Variants in REPS1 observed in about 807,000 individuals in gnomAD.
REPS1 encodes the protein ralBP1-associated Eps domain-containing protein 1.
REPS1 carries 39 observed loss-of-function variants against 100.9 expected under a neutral mutation model. The observed-to-expected ratio is 0.39, with a 90% CI of 0.30 to 0.50. The LOEUF (loss-of-function observed/expected upper bound fraction) is 0.50. Ranked by LOEUF, REPS1 falls within the 20% of genes least tolerant of loss-of-function variation. REPS1 has a pLI of 0.86. For missense variants in REPS1, 821 were observed against 968.5 expected, an observed-to-expected ratio of 0.85 and a Z score of 2.02; for synonymous variants, 324 against 340.3, an observed-to-expected ratio of 0.95 and a Z score of 0.53.
Position 138,926,479 on chromosome 6 carries a change from C to A in REPS1, c.1260G>T (p.Gln420His). Reference sequence around the variant, plus strand: ...AAGAGCGTTCACTAAATGTCTCCCACTGCTGAACAGACAGAGGAGAGACAA... The same window carrying A: ...AAGAGCGTTCACTAAATGTCTCCCAATGCTGAACAGACAGAGGAGAGACAA... ...TWPELNQSSE[Q>H]WETFSERSSS... The change falls in exon 10 of 20, where the codon CAG becomes CAT. Residue 420 changes from glutamine to histidine, a missense_variant and splice_region_variant. By Grantham distance (24) the Gln-to-His change is conservative. Transcript: ENST00000450536. The A allele has an allele frequency of 6.2e-7, 1 of 1,606,490 alleles. No homozygotes were observed. Among genetic ancestry groups the A allele is most frequent in the Non-Finnish European group, 8.5e-7 (1 of 1,173,994 alleles).
rs1582712094 is a variant in REPS1, at chr6:138,914,264, G to T, written c.1785+433C>A. On this transcript the variant is annotated intron_variant, in intron 15 of 19. Transcript: ENST00000450536. ...TTTTTGTTTTGTTTTTAGAGATGGG[G>T]GTCTCACTATGTTGTCCAGGCTGGT... Among the ~76,000 whole-genome samples, 3 of 151,882 alleles carry T rather than the reference G, an allele frequency of 2.0e-5. No homozygotes were observed. In the South Asian group the frequency reaches 6.2e-4, roughly 32 times the overall value.
At chr6:138,952,545 G>A (rs1387704284) in intron 1 of REPS1, among the ~76,000 whole-genome samples, 1 of 151,412 alleles carries the variant, frequency 6.6e-6, no homozygotes, top group East Asian at 2.0e-4. Context: ...GATTACAGGT[G>A]TCCACCAATA....
chr6:138,947,258 T>G (rs1222668695), intron 2 of REPS1, among the ~76,000 whole-genome samples: 2 of 152,166 alleles, frequency 1.3e-5, no homozygotes, highest in Non-Finnish European at 2.9e-5. Context: ...TGTAATGTGG[T>G]CAGATGTCTA....
chr6:138,907,520 T>C lies in REPS1; in HGVS notation c.2297A>G (p.Asn766Ser). Reference protein sequence around the residue: ...KETNTVLARLNSELQQQLKDV... With the variant: ...KETNTVLARLSSELQQQLKDV... ...CTTTAATTGTTGCTGCAATTCGCTA[T>C]TCAATCTGGCCAAAACGGTGTTGGT... Residue 766 changes from asparagine to serine, a missense_variant, in exon 19 of 20, where the codon AAT becomes AGT. Physicochemically the swap from Asn to Ser is conservative, Grantham distance 46 (BLOSUM62 1). Around this residue, in one of 3 missense-constraint regions of REPS1, gnomAD observed 757 missense variants for 866.4 expected, o/e 0.87. Transcript: ENST00000450536. 1 of 1,613,074 alleles carries C rather than the reference T, an allele frequency of 6.2e-7. No individual in the cohort carries two copies. The highest frequency in any genetic ancestry group is 8.5e-7 in the Non-Finnish European group (1 of 1,179,138).
rs572381894 is a variant in REPS1 at position 138,917,690 on chromosome 6, C to T, written c.1529-63G>A. ...TTCTTTACTTTTTGCTCTATCTACTCCAAACAAATATAAGTGATATGCTGT... is the reference window on the plus strand; with the variant it reads ...TTCTTTACTTTTTGCTCTATCTACTTCAAACAAATATAAGTGATATGCTGT... On this transcript the variant is annotated intron_variant, in intron 12 of 19. Coordinates refer to ENST00000450536, the MANE Select transcript of REPS1 (RefSeq NM_001286611.2). 1.9e-5 allele frequency: 25 copies of T among 1,331,372 alleles called. No individual in the cohort carries two copies. In the African/African-American group the frequency reaches 2.5e-4, roughly 13 times the overall value. The allele number at this position is 1,331,372 out of a possible 1,614,324, so 82.5% of individuals were successfully genotyped here.
chr6:138,980,440 A>ATTT (rs1271533396), intron 1 of REPS1, among the ~76,000 whole-genome samples: 1 of 151,932 alleles, frequency 6.6e-6, no homozygotes, highest in African/African-American at 2.4e-5. Context: ...AGTCCCTGCC[A>ATTT]TTCTCCCCTC....
chr6:138,926,574 A>G (rs1781139519), intron 9 of REPS1, 93 bp from the exon 10 acceptor site: 1 of 823,894 alleles, frequency 1.2e-6, no homozygotes, highest in Non-Finnish European at 2.0e-6. Context: ...CAGAGGTTGC[A>G]CTGCAAGTTG....
rs767806516 is a variant in REPS1, at chr6:138,908,820, TAAGAC to T, written c.2068-9_2068-5del. The T allele has an allele frequency of 6.2e-7, 1 of 1,611,466 alleles. No individual in the cohort carries two copies. Among genetic ancestry groups the T allele is most frequent in the African/African-American group, 1.3e-5 (1 of 74,858 alleles). On this transcript the variant is annotated splice_polypyrimidine_tract_variant and splice_region_variant and intron_variant, in intron 17 of 19. Coordinates refer to ENST00000450536, the MANE Select transcript of REPS1 (RefSeq NM_001286611.2). The stretch of plus-strand genomic sequence containing the variant: ...CAAGTGGTGTTGTGCCTTTGCTCTT[TAAGAC>T]AAGAATTCCATTAATAATAAGCATT...
chr6:138,979,715 C>A (rs1784824891), intron 1 of REPS1, among the ~76,000 whole-genome samples: 1 of 152,186 alleles, frequency 6.6e-6, no homozygotes, highest in Non-Finnish European at 1.5e-5. Flanking sequence ...CCAATTTGTA[C>A]CACTCTGATT....
At chr6:138,915,452 ATT>A (rs5880407) in intron 14 of REPS1, among the ~76,000 whole-genome samples, 177 of 134,594 alleles carry the variant, frequency 1.3e-3, no homozygotes, top group Middle Eastern at 4.0e-3. Flanking sequence ...CCTTCAGATA[ATT>A]TTTTTTTTTT....
At chr6:138,915,056 G>A (rs1370788436) in intron 14 of REPS1, 3 of 324,478 alleles carry the variant, frequency 9.2e-6, no homozygotes, top group Non-Finnish European at 1.1e-5. Flanking sequence ...ATCTCTGACT[G>A]CTGTTTAGGT....
intron 12 of REPS1, among the ~76,000 whole-genome samples, chr6:138,918,845 T>C (rs1562518307): frequency 2.6e-5 from 4 of 152,160 alleles, no homozygotes; most frequent in Admixed American, 6.5e-5. Context: ...CTAAGAGTTG[T>C]GACAGAAAAA....
At chr6:138,930,288 C>A (rs1781409198) in intron 8 of REPS1, among the ~76,000 whole-genome samples, 190 bp from the exon 9 acceptor site, 1 of 152,076 alleles carries the variant, frequency 6.6e-6, no homozygotes, top group Non-Finnish European at 1.5e-5. Flanking sequence ...TTATGGTCTA[C>A]TCAAAACCAC....
rs1223813861 is a variant in REPS1 at position 138,925,746 on chromosome 6, C to CA, written c.1338+654dup. On this transcript the variant is annotated intron_variant, in intron 10 of 19. Transcript: ENST00000450536. ...AAGAACGATTAACAGCTAAGGTTTT[C>CA]AAAAAACCCAAGGGACAGGTGTAGC... 2.0e-5 allele frequency among the ~76,000 whole-genome samples: 3 copies of CA among 151,538 alleles called. No individual in the cohort carries two copies. In the East Asian group the frequency reaches 5.8e-4, roughly 29 times the overall value.
chr6:138,918,599 T>C (rs559959283), intron 12 of REPS1, among the ~76,000 whole-genome samples: 1 of 152,362 alleles, frequency 6.6e-6, no homozygotes, highest in Non-Finnish European at 1.5e-5. Context: ...ATAAATACGT[T>C]ACTTCTGTAA....
chr6:138,925,727 G>A (rs1243132902), intron 10 of REPS1, among the ~76,000 whole-genome samples: 1 of 151,396 alleles, frequency 6.6e-6, no homozygotes, highest in African/African-American at 2.4e-5. Flanking sequence ...GGAGAAGAAC[G>A]ATTAACAGCT....
chr6:138,926,996 A>G (rs1781179925), intron 9 of REPS1: 1 of 152,668 alleles, frequency 6.6e-6, no homozygotes, highest in Non-Finnish European at 1.5e-5. Context: ...TATTTTACAC[A>G]TATGTATAGA....
intron 8 of REPS1, among the ~76,000 whole-genome samples, chr6:138,931,480 CCT>C (rs1275963981): frequency 1.3e-5 from 2 of 152,160 alleles, no homozygotes; most frequent in African/African-American, 2.4e-5. Context: ...CAAAATATTT[CCT>C]TTTTACTTAC....
intron 8 of REPS1, among the ~76,000 whole-genome samples, chr6:138,931,498 C>T (rs1056444109): frequency 6.6e-6 from 1 of 152,144 alleles, no homozygotes; most frequent in Non-Finnish European, 1.5e-5. Context: ...CTTACCCAGA[C>T]GTTATACCTT....
Sources: gnomAD v4.1 joint callset for allele counts (sites outside exome capture counted in the v4.1 genomes callset) on GRCh38, gnomAD v4.1.1 for gene constraint, gnomAD v4.1.1 regional missense constraint, MANE v1.5 for transcripts, NCBI Gene and HGNC (gene_info 2026-07-23, HGNC 2026-07-21) for gene names.